Variants in SUZ12 observed in about 807,000 individuals in gnomAD.
The protein encoded by SUZ12 is SUZ12 polycomb repressive complex 2 subunit.
A neutral mutation model predicts 87.3 loss-of-function variants in SUZ12; 17 were observed. That is an observed-to-expected ratio of 0.19 (90% CI 0.13 to 0.29). The LOEUF (loss-of-function observed/expected upper bound fraction) is 0.29. SUZ12 is among the 10% of genes least tolerant of loss of function. The pLI is 1.00. For missense variants in SUZ12, 526 were observed against 912.2 expected, an observed-to-expected ratio of 0.58 and a Z score of 5.45; for synonymous variants, 253 against 312.4, an observed-to-expected ratio of 0.81 and a Z score of 2.01.
chr17:31,946,529 A>C (rs1327940214), intron 3 of SUZ12, among the ~76,000 whole-genome samples: 1 of 152,172 alleles, frequency 6.6e-6, no homozygotes, highest in Non-Finnish European at 1.5e-5. Context: ...TGACACTCCC[A>C]TCTCAAAAAC....
chr17:31,956,787 TA>T (rs1261304102), intron 4 of SUZ12, among the ~76,000 whole-genome samples: 4 of 151,856 alleles, frequency 2.6e-5, no homozygotes, highest in Non-Finnish European at 5.9e-5. Flanking sequence ...TGTATATATA[TA>T]TATTTTTTGG....
intron 4 of SUZ12, among the ~76,000 whole-genome samples, chr17:31,956,683 G>A (rs969259789): frequency 6.6e-6 from 1 of 151,808 alleles, no homozygotes; most frequent in Non-Finnish European, 1.5e-5. Context: ...TTCTCGCCTA[G>A]TATTGTGGTA....
At chr17:31,940,854 A>G (rs548134171) in intron 3 of SUZ12, among the ~76,000 whole-genome samples, 207 of 151,900 alleles carry the variant, frequency 1.4e-3, no homozygotes, top group African/African-American at 4.6e-3. Flanking sequence ...ATCTACTAAA[A>G]CAAAAATTAG....
At chr17:31,979,427 G>T (rs1908967044) in intron 8 of SUZ12, among the ~76,000 whole-genome samples, 1 of 152,012 alleles carries the variant, frequency 6.6e-6, no homozygotes, top group South Asian at 2.1e-4. Context: ...TTTATAATTT[G>T]TCCTGTCCCC....
At chr17:31,950,240 A>G (rs890297062) in intron 4 of SUZ12, among the ~76,000 whole-genome samples, 1 of 152,136 alleles carries the variant, frequency 6.6e-6, no homozygotes, top group African/African-American at 2.4e-5. Flanking sequence ...CACTGCGCCC[A>G]GCCTCCTTTA....
At chr17:31,988,263 A>C in intron 9 of SUZ12, 57 bp from the exon 10 acceptor site, 1 of 1,447,104 alleles carries the variant, frequency 6.9e-7, no homozygotes, top group Middle Eastern at 1.8e-4. Flanking sequence ...TAATTTCTAC[A>C]ATTTATTTGA....
chr17:31,948,511 C>G lies in SUZ12; in HGVS notation c.455+826C>G, dbSNP rs533472806. On this transcript the variant is annotated intron_variant, in intron 4 of 15. Transcript: ENST00000322652. ...TTTTCTTTTCCTCCTAGTTTTAAAT[C>G]ACAGCTTACGAATTTAGATAGGATA... Among the ~76,000 whole-genome samples the G allele has an allele frequency of 2.6e-5, 4 of 152,234 alleles. No individual in the cohort carries two copies. The South Asian group carries it at 8.3e-4, about 32-fold the overall frequency.
chr17:31,968,100 G>A (rs1908203020), intron 5 of SUZ12, among the ~76,000 whole-genome samples: 1 of 152,150 alleles, frequency 6.6e-6, no homozygotes, highest in South Asian at 2.1e-4. Flanking sequence ...AGTCTTGGAG[G>A]TTGAGGCTGC....
rs138920567 is a variant in SUZ12, at chr17:31,961,313, G to T, written c.456-4834G>T. On this transcript the variant is annotated intron_variant, in intron 4 of 15. Transcript: ENST00000322652. The stretch of plus-strand genomic sequence containing the variant: ...CCTGTAATCTCAGCACTGGGAGGCC[G>T]AGGTGGGTGGATCACCTGAGGTCAG... Among the ~76,000 whole-genome samples, 1,020 of 152,262 alleles carry T rather than the reference G, an allele frequency of 6.7e-3. 9 individuals carry two copies. The highest frequency in any genetic ancestry group is 0.011 in the Non-Finnish European group (740 of 68,014).
intron 9 of SUZ12, among the ~76,000 whole-genome samples, chr17:31,985,095 G>A (rs1410189662): frequency 6.8e-6 from 1 of 146,108 alleles, no homozygotes; most frequent in African/African-American, 2.5e-5. Context: ...GGAGGCAGAG[G>A]TTTCAGTGAG....
In SUZ12 at chr17:31,999,011, TA is replaced by T. The variant is rs1455150939; in HGVS notation, c.*10del. 2.0e-6 allele frequency: 3 copies of T among 1,522,054 alleles called. No individual in the cohort carries two copies. The South Asian group carries it at 4.0e-5, about 20-fold the overall frequency. The allele number at this position is 1,522,054 out of a possible 1,614,324, so 94.3% of individuals were successfully genotyped here. On this transcript the variant is annotated 3_prime_UTR_variant, in exon 16 of 16. Transcript: ENST00000322652. ...AAAAAACAAAAACTCTGAAAAGCTCTAACCCCATGTTATGGACAAACACTGA... is the reference window on the plus strand; with the variant it reads ...AAAAAACAAAAACTCTGAAAAGCTCTACCCCATGTTATGGACAAACACTGA...
At chr17:31,954,876 T>C (rs1907213201) in intron 4 of SUZ12, among the ~76,000 whole-genome samples, 1 of 152,152 alleles carries the variant, frequency 6.6e-6, no homozygotes, top group Non-Finnish European at 1.5e-5. Context: ...CAAGTCTCCT[T>C]GAGAGTGGTA....
At chr17:31,983,216 A>G (rs556815865) in intron 9 of SUZ12, 112 bp downstream of exon 9, 2 of 1,042,712 alleles carry the variant, frequency 1.9e-6, no homozygotes, top group East Asian at 2.5e-5. Context: ...TTTGTTTTTT[A>G]TACTTTAAAA....
intron 12 of SUZ12, 151 bp from the exon 13 acceptor site, chr17:31,994,413 C>G (rs1909866760): frequency 1.7e-6 from 1 of 583,370 alleles, no homozygotes; most frequent in South Asian, 4.1e-5. Flanking sequence ...TTTGTTGACC[C>G]CAGGTCTTCT....
chr17:31,938,826 T>G (rs2142115140), intron 1 of SUZ12, among the ~76,000 whole-genome samples: 1 of 152,332 alleles, frequency 6.6e-6, no homozygotes, highest in Non-Finnish European at 1.5e-5. Context: ...CAAGAAAGTT[T>G]TAACTATTTG....
At chr17:31,948,307 C>T (rs1233804948) in intron 4 of SUZ12, among the ~76,000 whole-genome samples, 4 of 152,028 alleles carry the variant, frequency 2.6e-5, no homozygotes, top group Admixed American at 6.6e-5. Flanking sequence ...TAGTATGCTT[C>T]TATTTATTTT....
intron 4 of SUZ12, among the ~76,000 whole-genome samples, chr17:31,950,645 C>T (rs1906911920): frequency 1.3e-5 from 2 of 152,162 alleles, no homozygotes; most frequent in African/African-American, 2.4e-5. Context: ...GATTGTGCTA[C>T]TGCACTCCAG....
intron 1 of SUZ12, among the ~76,000 whole-genome samples, chr17:31,937,991 A>G (rs974430613): frequency 6.8e-6 from 1 of 147,918 alleles, no homozygotes; most frequent in African/African-American, 2.5e-5. Context: ...CCTTCGCGCT[A>G]ACTTGGTGCT....
chr17:31,962,929 A>G (rs1907825413), intron 4 of SUZ12, among the ~76,000 whole-genome samples: 1 of 152,352 alleles, frequency 6.6e-6, no homozygotes, highest in African/African-American at 2.4e-5. Context: ...CTGGTGGATT[A>G]TCTTCTAATG....
Sources: allele counts gnomAD v4.1 joint callset (sites outside exome capture counted in the v4.1 genomes callset), GRCh38; gene constraint gnomAD v4.1.1; transcripts MANE v1.5; gene names NCBI Gene and HGNC (gene_info 2026-07-23, HGNC 2026-07-21).